TYW1: variants seen among roughly 807,000 people sequenced by gnomAD.
TYW1 encodes the protein tRNA-yW synthesizing protein 1 homolog, also known as S-adenosyl-L-methionine-dependent tRNA 4-demethylwyosine synthase TYW1.
In TYW1, 46 loss-of-function variants were observed where a neutral mutation model predicts 96.2. The ratio of observed to expected loss-of-function variants is 0.48; its 90% confidence interval spans 0.38 to 0.61. The LOEUF (loss-of-function observed/expected upper bound fraction) is 0.61. Among genes scored for constraint, TYW1 ranks in the 20% least tolerant of loss-of-function variants. TYW1 has a pLI of 0.00. For synonymous variants in TYW1, 274 were observed against 323.0 expected, an observed-to-expected ratio of 0.85 and a Z score of 1.63; for missense variants, 684 against 909.6, an observed-to-expected ratio of 0.75 and a Z score of 3.19.
At position 67,239,295 on chromosome 7, in the gene TYW1, G is replaced by A. The variant is rs111923386; in HGVS notation, c.*766G>A. On this transcript the variant is annotated 3_prime_UTR_variant, in exon 16 of 16. Coordinates refer to ENST00000359626, the MANE Select transcript of TYW1 (RefSeq NM_018264.4). Reference sequence around the variant, plus strand: ...TGAAGAGGATCATTTCTTTTTGTTCGTGAGGTCACTGTCCAGGCCTCTCAT... The same window carrying A: ...TGAAGAGGATCATTTCTTTTTGTTCATGAGGTCACTGTCCAGGCCTCTCAT... The A allele has an allele frequency of 9.0e-3, 8,875 of 985,356 alleles. 384 individuals are homozygous for A. In the East Asian group the frequency reaches 0.17, roughly 19 times the overall value. 61.0% of individuals were successfully genotyped at this position (985,356 alleles called of 1,614,324 possible). A position where few individuals can be genotyped will look rare whatever the true frequency, so the allele number is the denominator to read the frequency against.
chr7:67,021,268 TTC>T (rs1455651666), intron 6 of TYW1, among the ~76,000 whole-genome samples: 9 of 152,400 alleles, frequency 5.9e-5, no homozygotes, highest in Admixed American at 2.6e-4. Flanking sequence ...ACGCTTCTCA[TTC>T]TCTCTTTCCA....
intron 11 of TYW1, among the ~76,000 whole-genome samples, chr7:67,085,671 A>T (rs1584542135): frequency 1.3e-5 from 2 of 152,204 alleles, no homozygotes; most frequent in Non-Finnish European, 2.9e-5. Context: ...AATTTATAAA[A>T]GATAATTATT....
chr7:67,067,535 G>C (rs1253108031), intron 10 of TYW1, 132 bp downstream of exon 10: 1 of 1,079,384 alleles, frequency 9.3e-7, no homozygotes, highest in Non-Finnish European at 1.3e-6. Flanking sequence ...GTGAATGTTA[G>C]TGTATAAAAA....
In TYW1 at chr7:67,083,463, G is replaced by T; in HGVS notation, c.1308G>T (p.Arg436=). The T allele has an allele frequency of 6.2e-7, 1 of 1,614,206 alleles. No homozygotes were observed. The highest frequency in any genetic ancestry group is 8.5e-7 in the Non-Finnish European group (1 of 1,180,028). ...CCAACCCCGTGGGCACTGAGTGGCG[G>T]TGGAAGATGGACCAGCCTGAAATGA... The part of the protein sequence containing the change: ...HHTNPVGTEW[R]WKMDQPEMIL... Residue 436 remains arginine, a synonymous_variant, in exon 11 of 16, where the codon CGG becomes CGT. Transcript: ENST00000359626.
intron 12 of TYW1, among the ~76,000 whole-genome samples, chr7:67,101,290 T>G (rs1797081743): frequency 6.6e-6 from 1 of 152,120 alleles, no homozygotes; most frequent in Non-Finnish European, 1.5e-5. Flanking sequence ...TTATCTGTGT[T>G]TTACTGTCTG....
chr7:67,018,103 G>A lies in TYW1; in HGVS notation c.821G>A (p.Gly274Glu). The change falls in exon 6 of 16, where the codon GGA (glycine) becomes GAA (glutamate). Residue 274 changes from glycine (G) to glutamate (E), a missense_variant. Gly to Glu is a moderately conservative substitution (Grantham distance 98). Coordinates refer to ENST00000359626, the MANE Select transcript of TYW1 (RefSeq NM_018264.4). ...CATGGCTCAGAGGAGAGGGAGGAAG[G>A]ATCTCATGAGCAGGATGAATTGCAT... ...HQHGSEEREE[G>E]SHEQDELHHR... 1 of 1,614,054 alleles carries A rather than the reference G, an allele frequency of 6.2e-7. No homozygotes were observed. Among genetic ancestry groups the A allele is most frequent in the Non-Finnish European group, 8.5e-7 (1 of 1,180,010 alleles).
intron 13 of TYW1, among the ~76,000 whole-genome samples, chr7:67,177,536 A>G: frequency 6.6e-6 from 1 of 152,224 alleles, no homozygotes; most frequent in Non-Finnish European, 1.5e-5. Flanking sequence ...AAATATTCCA[A>G]CAGAGAAATA....
At chr7:67,114,137 C>T (rs1044772653) in intron 12 of TYW1, among the ~76,000 whole-genome samples, 2 of 152,160 alleles carry the variant, frequency 1.3e-5, no homozygotes, top group African/African-American at 4.8e-5. Flanking sequence ...TTCTCTTTCA[C>T]CCTCCTCCCC....
intron 7 of TYW1, among the ~76,000 whole-genome samples, chr7:67,027,709 T>A (rs1031460624): frequency 2.0e-5 from 3 of 152,042 alleles, no homozygotes; most frequent in Admixed American, 2.0e-4. Flanking sequence ...GGCAGGCAGA[T>A]CACGAGGTCA....
intron 13 of TYW1, among the ~76,000 whole-genome samples, chr7:67,150,156 G>A (rs1334474531): frequency 6.6e-6 from 1 of 152,038 alleles, no homozygotes; most frequent in Non-Finnish European, 1.5e-5. Context: ...TAGCGTAAAG[G>A]CAGTGATTCT....
intron 13 of TYW1, among the ~76,000 whole-genome samples, chr7:67,145,941 A>AT (rs201579813): frequency 0.034 from 5,147 of 151,362 alleles, 259 homozygotes; most frequent in African/African-American, 0.12. Flanking sequence ...TTATTTATTT[A>AT]TTTTTTTTAG....
At chr7:67,213,739 C>T (rs1163961640) in intron 15 of TYW1, among the ~76,000 whole-genome samples, 1 of 152,124 alleles carries the variant, frequency 6.6e-6, no homozygotes, top group East Asian at 1.9e-4. Flanking sequence ...ATGTGGACAT[C>T]CAATTGTTAA....
intron 10 of TYW1, among the ~76,000 whole-genome samples, chr7:67,082,974 G>A (rs898309015): frequency 1.3e-5 from 2 of 150,294 alleles, no homozygotes; most frequent in African/African-American, 4.9e-5. Context: ...GGTCCCAGGT[G>A]GAGGTTCTTG....
intron 15 of TYW1, among the ~76,000 whole-genome samples, chr7:67,203,158 C>T (rs577950994): frequency 2.2e-4 from 34 of 152,322 alleles, no homozygotes; most frequent in African/African-American, 7.9e-4. Context: ...TAGCCTCTGG[C>T]GACCGCTAAT....
Position 67,231,225 on chromosome 7 carries a change from GC to G in TYW1, c.1978-7081del, listed in dbSNP as rs1801740922. Among the ~76,000 whole-genome samples the G allele has an allele frequency of 3.3e-5, 5 of 152,170 alleles. No individual in the cohort carries two copies. The South Asian group carries it at 1.0e-3, about 32-fold the overall frequency. The stretch of plus-strand genomic sequence containing the variant: ...TTCGCTAACAACTCTCAAACTCTCT[GC>G]CATCTCAAATATATTGCCTCGCAGA... On this transcript the variant is annotated intron_variant, in intron 15 of 15. Transcript: ENST00000359626.
chr7:67,102,929 G>A (rs778410848), intron 12 of TYW1, among the ~76,000 whole-genome samples: 26 of 152,206 alleles, frequency 1.7e-4, no homozygotes, highest in African/African-American at 3.4e-4. Context: ...GATTATAGGC[G>A]TGAGCCATCA....
chr7:67,202,933 G>A (rs1800649177), intron 15 of TYW1, among the ~76,000 whole-genome samples: 1 of 152,194 alleles, frequency 6.6e-6, no homozygotes, highest in African/African-American at 2.4e-5. Context: ...CGTGATCATA[G>A]TACGTTATCA....
rs1341437613 is a variant in TYW1, at chr7:67,180,424, A to ATATATATATATATATT, written c.1699-2702_1699-2701insTATATATATATATATT. ...TATATATTTATATATATATATATATAATTTTTTTTTTGGTAACTGGCCTAA... is the reference window on the plus strand; with the variant it reads ...TATATATTTATATATATATATATATATATATATATATATATTATTTTTTTTTTGGTAACTGGCCTAA... On this transcript the variant is annotated intron_variant, in intron 13 of 15. Coordinates refer to ENST00000359626, the MANE Select transcript of TYW1 (RefSeq NM_018264.4). 1.8e-3 allele frequency among the ~76,000 whole-genome samples: 144 copies of ATATATATATATATATT among 81,830 alleles called. 3 individuals carry two copies. Among genetic ancestry groups the ATATATATATATATATT allele is most frequent in the Admixed American group, 3.1e-3 (26 of 8,430 alleles). 53.7% of individuals were successfully genotyped at this position (81,830 alleles called of 152,430 possible). A position where few individuals can be genotyped will look rare whatever the true frequency, so the allele number is the denominator to read the frequency against.
intron 7 of TYW1, among the ~76,000 whole-genome samples, chr7:67,045,864 T>C (rs1795171651): frequency 6.6e-6 from 1 of 152,158 alleles, no homozygotes; most frequent in South Asian, 2.1e-4. Context: ...AATGGTGGCA[T>C]TGTAGATGGA....
Sources: allele counts gnomAD v4.1 joint callset (sites outside exome capture counted in the v4.1 genomes callset), GRCh38; gene constraint gnomAD v4.1.1; transcripts MANE v1.5; gene names NCBI Gene and HGNC (gene_info 2026-07-23, HGNC 2026-07-21).